The following ATP10B variants were observed in gnomAD, a reference collection of about 807,000 sequenced individuals.
ATP10B encodes the protein phospholipid-transporting ATPase VB.
In ATP10B, 122 loss-of-function variants were observed where a neutral mutation model predicts 141.2. The observed-to-expected ratio is 0.86, with a 90% CI of 0.75 to 1.00. The LOEUF (loss-of-function observed/expected upper bound fraction) is 1.00. Ranked by LOEUF, ATP10B falls within the 50% of genes least tolerant of loss-of-function variation. ATP10B has a pLI of 0.00. For missense variants in ATP10B, 1,876 were observed against 1,825.3 expected (o/e 1.03, Z -0.51); for synonymous variants, 685 against 692.0 (o/e 0.99, Z 0.16).
intron 7 of ATP10B, among the ~76,000 whole-genome samples, chr5:160,668,332 C>T (rs1762454144): frequency 7.0e-6 from 1 of 143,502 alleles, no homozygotes; most frequent in Non-Finnish European, 1.5e-5. Context: ...CACGCATATA[C>T]ACACGTGTAT....
At chr5:160,816,190 T>TA (rs536526439) in intron 1 of ATP10B, among the ~76,000 whole-genome samples, 1 of 108,724 alleles carries the variant, frequency 9.2e-6, no homozygotes, top group South Asian at 2.8e-4. Context: ...AAGAGAGACA[T>TA]AAAAAATGAA....
At chr5:160,652,913 G>GTATATATAATATATTA (rs1198824825) in intron 7 of ATP10B, among the ~76,000 whole-genome samples, 3 of 56,944 alleles carry the variant, frequency 5.3e-5, no homozygotes, top group African/African-American at 9.6e-5. Flanking sequence ...ATATATACAT[G>GTATATATAATATATTA]TATATATAAT....
intron 3 of ATP10B, among the ~76,000 whole-genome samples, chr5:160,689,783 A>G (rs530826354): frequency 6.6e-6 from 1 of 152,336 alleles, no homozygotes; most frequent in East Asian, 1.9e-4. Flanking sequence ...CATACTGCCC[A>G]AAGTAATTTA....
intron 1 of ATP10B, among the ~76,000 whole-genome samples, chr5:160,833,671 G>A (rs950720714): frequency 1.3e-5 from 2 of 152,112 alleles, no homozygotes; most frequent in Non-Finnish European, 1.5e-5. Flanking sequence ...ATTACAATAT[G>A]TGAAAGGATC....
chr5:160,822,989 C>CATACATAT (rs1774248210), intron 1 of ATP10B, among the ~76,000 whole-genome samples: 2 of 69,706 alleles, frequency 2.9e-5, no homozygotes, highest in African/African-American at 4.8e-5. Flanking sequence ...ATTACATATA[C>CATACATAT]ATATATATAT....
intron 11 of ATP10B, among the ~76,000 whole-genome samples, chr5:160,634,914 C>T (rs540973187): frequency 6.6e-6 from 1 of 152,310 alleles, no homozygotes; most frequent in East Asian, 1.9e-4. Flanking sequence ...ATCTCTGTGC[C>T]ACCAAGGGCT....
intron 3 of ATP10B, among the ~76,000 whole-genome samples, chr5:160,704,470 G>A (rs1382312420): frequency 1.3e-5 from 2 of 152,092 alleles, no homozygotes; most frequent in Non-Finnish European, 2.9e-5. Flanking sequence ...CTATCCTCTA[G>A]GCTTTGTTGT....
chr5:160,595,424 C>T (rs1185376477), intron 22 of ATP10B, among the ~76,000 whole-genome samples: 1 of 151,692 alleles, frequency 6.6e-6, no homozygotes, highest in Non-Finnish European at 1.5e-5. Flanking sequence ...CACTAAATGC[C>T]CACAAGAGAA....
At position 160,704,297 on chromosome 5, in the gene ATP10B, T is replaced by TCTTGA. The variant is rs199959798; in HGVS notation, c.-205+12611_-205+12612insTCAAG. ...ATCTTGAACTCCTGACCTCAAGTGA[T>TCTTGA]CCTTCTGCCTCAGCTTCCCAAAGAG... On this transcript the variant is annotated intron_variant, in intron 3 of 25. Coordinates refer to ENST00000327245, the MANE Select transcript of ATP10B (RefSeq NM_025153.3). Among the ~76,000 whole-genome samples the TCTTGA allele has an allele frequency of 9.9e-3, 1,508 of 152,274 alleles. 25 individuals are homozygous for TCTTGA. The highest frequency in any genetic ancestry group is 0.035 in the African/African-American group (1,443 of 41,528).
Position 160,688,108 on chromosome 5 carries a change from C to T in ATP10B, c.-20-14G>A, listed in dbSNP as rs1256317800. On this transcript the variant is annotated splice_polypyrimidine_tract_variant and intron_variant, in intron 4 of 25. Transcript: ENST00000327245. ...GCAGGCGAAGATCTGAAAACAGACA[C>T]AGGAGGAGCTATGTTTAGGAGAAAC... 2 of 1,598,766 alleles carry T rather than the reference C, an allele frequency of 1.3e-6. No homozygotes were observed. Among genetic ancestry groups the T allele is most frequent in the East Asian group, 2.2e-5 (1 of 44,764 alleles).
rs1347906341 is a variant in ATP10B, at chr5:160,688,048, C to A, written c.27G>T (p.Trp9Cys). 2 of 1,613,394 alleles carry A rather than the reference C, an allele frequency of 1.2e-6. No homozygotes were observed. The highest frequency in any genetic ancestry group is 2.2e-5 in the South Asian group (2 of 91,012). MALSVDSS[W>C]HRWQWRVRDG... ...CTCTGACTCTCCACTGCCACCGATG[C>A]CACGATGAGTCCACTGAGAGGGCCA... is the stretch of plus-strand genomic sequence containing the variant. The change falls in exon 5 of 26, where the codon TGG becomes TGT. Residue 9 changes from tryptophan (W) to cysteine (C), a missense_variant. By Grantham distance (215) the Trp-to-Cys change is radical. Transcript: ENST00000327245.
intron 1 of ATP10B, among the ~76,000 whole-genome samples, chr5:160,819,335 T>C (rs1019879020): frequency 6.6e-6 from 1 of 152,094 alleles, no homozygotes. Flanking sequence ...GCAAAAATAT[T>C]CTTCAAGCAT....
At chr5:160,699,183 C>T (rs1294416693) in intron 3 of ATP10B, among the ~76,000 whole-genome samples, 2 of 152,208 alleles carry the variant, frequency 1.3e-5, no homozygotes, top group Non-Finnish European at 2.9e-5. Flanking sequence ...AATAAAAAGA[C>T]AGTGCAGGCA....
intron 17 of ATP10B, among the ~76,000 whole-genome samples, chr5:160,613,447 G>C (rs1757831222): frequency 6.6e-6 from 1 of 152,228 alleles, no homozygotes; most frequent in African/African-American, 2.4e-5. Flanking sequence ...TTTGGTGGTA[G>C]TGAAAGTTAT....
At chr5:160,662,190 GA>G (rs1360479378) in intron 7 of ATP10B, among the ~76,000 whole-genome samples, 2 of 152,078 alleles carry the variant, frequency 1.3e-5, no homozygotes, top group Non-Finnish European at 2.9e-5. Flanking sequence ...TGGGTAGGAA[GA>G]ATCAATATCA....
At chr5:160,766,310 T>A in intron 2 of ATP10B, among the ~76,000 whole-genome samples, 1 of 149,550 alleles carries the variant, frequency 6.7e-6, no homozygotes, top group East Asian at 2.0e-4. Context: ...AGCCTAAATG[T>A]CCACCAATCA....
At chr5:160,893,845 G>A in the ATP10B span, among the ~76,000 whole-genome samples, 1 of 152,194 alleles carries the variant, frequency 6.6e-6, no homozygotes, top group Admixed American at 6.5e-5. Flanking sequence ...TCCAGAGGAA[G>A]AACACACAGC....
intron 1 of ATP10B, among the ~76,000 whole-genome samples, chr5:160,807,967 T>G (rs1324203712): frequency 1.3e-5 from 2 of 152,196 alleles, no homozygotes; most frequent in Non-Finnish European, 2.9e-5. Flanking sequence ...TCCCCTGGTC[T>G]TTTACTTGAG....
At position 160,670,459 on chromosome 5, in the gene ATP10B, C is replaced by G. The variant is rs767548729; in HGVS notation, c.675+4G>C. 11 of 1,613,708 alleles carry G rather than the reference C, an allele frequency of 6.8e-6. No homozygotes were observed. Among genetic ancestry groups the G allele is most frequent in the Non-Finnish European group, 8.5e-6 (10 of 1,179,890 alleles). ...ACCATTGAAGATATTAGAAAGAGCCCTACCTGCTGTGAGAAGCCCTTCACG... is the reference window on the plus strand; with the variant it reads ...ACCATTGAAGATATTAGAAAGAGCCGTACCTGCTGTGAGAAGCCCTTCACG... On this transcript the variant is annotated splice_donor_region_variant and intron_variant, in intron 7 of 25. Coordinates refer to ENST00000327245, the MANE Select transcript of ATP10B (RefSeq NM_025153.3).
Sources: allele counts gnomAD v4.1 joint callset (sites outside exome capture counted in the v4.1 genomes callset), GRCh38; gene constraint gnomAD v4.1.1; transcripts MANE v1.5; gene names NCBI Gene and HGNC (gene_info 2026-07-23, HGNC 2026-07-21).